The following PRDM2 variants were observed in gnomAD, a reference collection of about 807,000 sequenced individuals.
The protein encoded by PRDM2 is PR domain zinc finger protein 2.
In PRDM2, 30 loss-of-function variants were observed where a neutral mutation model predicts 130.0. The observed-to-expected ratio is 0.23, with a 90% CI of 0.17 to 0.31. The LOEUF is 0.31. PRDM2 is among the 10% of genes least tolerant of loss of function. The pLI, the probability that PRDM2 is intolerant of heterozygous loss-of-function variation, is 1.00. For missense variants in PRDM2, 2,011 were observed against 2,108.4 expected (o/e 0.95, Z 0.90); for synonymous variants, 871 against 782.4 (o/e 1.11, Z -1.89).
intron 1 of PRDM2, chr1:13,705,462 CTA>C (rs1642179076): frequency 6.6e-6 from 1 of 152,116 alleles, no homozygotes; most frequent in Non-Finnish European, 1.5e-5. Context: ...GAAGGGGCCA[CTA>C]TGTTTTCTAC....
At chr1:13,700,581 C>G (rs897062092) in intron 1 of PRDM2, among the ~76,000 whole-genome samples, 24 of 151,120 alleles carry the variant, frequency 1.6e-4, no homozygotes, top group South Asian at 8.3e-4. Context: ...TTCGGTTTGT[C>G]GCCGTGAAGA....
intron 9 of PRDM2, among the ~76,000 whole-genome samples, chr1:13,820,077 C>T (rs898253233): frequency 2.0e-5 from 3 of 152,172 alleles, no homozygotes; most frequent in Non-Finnish European, 4.4e-5. Flanking sequence ...GAAACTGACA[C>T]GGAGGGGCGT....
In PRDM2 at chr1:13,823,842, C is replaced by T. The variant is rs1236984425; in HGVS notation, c.*707C>T. On this transcript the variant is annotated 3_prime_UTR_variant, in exon 10 of 10. Coordinates refer to ENST00000311066, the MANE Select transcript of PRDM2 (RefSeq NM_001393986.1). ...AGATCAGGTGCACCTGGGAGAAAGACTTTGTCCCCACTTACAGATCTATCT... is the reference window on the plus strand; with the variant it reads ...AGATCAGGTGCACCTGGGAGAAAGATTTTGTCCCCACTTACAGATCTATCT... The T allele has an allele frequency of 6.6e-6, 1 of 152,332 alleles. No individual in the cohort carries two copies. Among genetic ancestry groups the T allele is most frequent in the Non-Finnish European group, 1.5e-5 (1 of 68,194 alleles). 9.4% of individuals were successfully genotyped at this position (152,332 alleles called of 1,614,324 possible). A position where few individuals can be genotyped will look rare whatever the true frequency, so the allele number is the denominator to read the frequency against.
chr1:13,759,162 C>CT (rs34840173), intron 6 of PRDM2, among the ~76,000 whole-genome samples: 1,602 of 140,944 alleles, frequency 0.011, 22 homozygotes, highest in African/African-American at 0.035. Flanking sequence ...TTCCCCTACC[C>CT]TTTTTTTTTT....
chr1:13,787,086 G>A, intron 8 of PRDM2: 6 of 985,464 alleles, frequency 6.1e-6, no homozygotes, highest in Non-Finnish European at 7.2e-6. Context: ...TAAATCACAA[G>A]TAGATTGCCA....
At chr1:13,789,849 GTTTA>G (rs1209488267) in intron 8 of PRDM2, among the ~76,000 whole-genome samples, 1 of 152,196 alleles carries the variant, frequency 6.6e-6, no homozygotes, top group Non-Finnish European at 1.5e-5. Context: ...ACAGAAAATG[GTTTA>G]TCGTTCCCCG....
chr1:13,756,580 T>G (rs2100566608), intron 6 of PRDM2, among the ~76,000 whole-genome samples: 1 of 152,346 alleles, frequency 6.6e-6, no homozygotes. Context: ...TGCTATTCTC[T>G]AAGTGAAAAA....
At chr1:13,710,194 C>G (rs925173069) in intron 1 of PRDM2, among the ~76,000 whole-genome samples, 1 of 152,078 alleles carries the variant, frequency 6.6e-6, no homozygotes, top group Non-Finnish European at 1.5e-5. Context: ...TTAGATAAAC[C>G]TGCTTTATTT....
intron 5 of PRDM2, among the ~76,000 whole-genome samples, chr1:13,745,406 G>T (rs2100518898): frequency 6.6e-6 from 1 of 152,094 alleles, no homozygotes; most frequent in Non-Finnish European, 1.5e-5. Flanking sequence ...AAAGACCTTG[G>T]AGTAGGAATA....
intron 1 of PRDM2, among the ~76,000 whole-genome samples, chr1:13,701,327 T>C (rs891866035): frequency 6.6e-6 from 1 of 152,342 alleles, no homozygotes; most frequent in Middle Eastern, 3.4e-3. Context: ...TAAGTTTTTG[T>C]TTACTCCAGG....
Position 13,773,272 on chromosome 1 carries a change from C to T in PRDM2, c.622+84C>T, listed in dbSNP as rs1644397909. On this transcript the variant is annotated intron_variant, in intron 7 of 9. Transcript: ENST00000311066. ...CTTTGTATCTCTTTATATTGTCCTT[C>T]TGAGAATCATTTAGGATCTTTACGA... 4 of 770,660 alleles carry T rather than the reference C, an allele frequency of 5.2e-6. No homozygotes were observed. The South Asian group carries it at 1.5e-4, about 29-fold the overall frequency. 47.7% of individuals were successfully genotyped at this position (770,660 alleles called of 1,614,324 possible).
chr1:13,742,050 C>A lies in PRDM2; in HGVS notation c.277C>A (p.Pro93Thr), dbSNP rs188038052. The change falls in exon 5 of 10, where the codon CCA becomes ACA. Residue 93 changes from proline to threonine, a missense_variant. Physicochemically the swap from Pro to Thr is conservative, Grantham distance 38. Transcript: ENST00000311066. ...ATGGATGTGCATTGATGCCACTGAT[C>A]CAGAGAAGGGAAACTGGCTGCGATA... Reference protein sequence around the residue: ...LGWMCIDATDPEKGNWLRYVN... With the variant: ...LGWMCIDATDTEKGNWLRYVN... The A allele has an allele frequency of 6.3e-7, 1 of 1,596,958 alleles. No individual in the cohort carries two copies. The highest frequency in any genetic ancestry group is 1.1e-5 in the South Asian group (1 of 90,708).
intron 6 of PRDM2, among the ~76,000 whole-genome samples, chr1:13,763,298 G>T (rs1644146683): frequency 6.6e-6 from 1 of 152,208 alleles, no homozygotes; most frequent in South Asian, 2.1e-4. Context: ...TGTTTGGAAA[G>T]AGGAAACAGA....
At chr1:13,705,981 C>CAAAAAA (rs61072408) in intron 1 of PRDM2, among the ~76,000 whole-genome samples, 1 of 56,772 alleles carries the variant, frequency 1.8e-5, no homozygotes, top group Admixed American at 1.7e-4. Context: ...GACTCCGTCT[C>CAAAAAA]AAAAAAAAAA....
intron 6 of PRDM2, among the ~76,000 whole-genome samples, chr1:13,767,474 T>TA (rs1557634240): frequency 2.8e-5 from 4 of 143,906 alleles, no homozygotes; most frequent in Non-Finnish European, 3.1e-5. Context: ...TCTATTTTTT[T>TA]TTTTTTTTTT....
chr1:13,796,049 G>C (rs1418011908), intron 8 of PRDM2, among the ~76,000 whole-genome samples: 1 of 152,200 alleles, frequency 6.6e-6, no homozygotes, highest in Admixed American at 6.5e-5. Flanking sequence ...TGATGTCATT[G>C]TGTCTGCTAC....
At position 13,726,960 on chromosome 1, in the gene PRDM2, CTCTGCTT is replaced by C. The variant is rs1182820794; in HGVS notation, c.10-4039_10-4033del. Among the ~76,000 whole-genome samples, 6 of 152,138 alleles carry C rather than the reference CTCTGCTT, an allele frequency of 3.9e-5. No individual in the cohort carries two copies. The South Asian group carries it at 1.0e-3, about 26-fold the overall frequency. On this transcript the variant is annotated intron_variant, in intron 2 of 9. Transcript: ENST00000311066. Reference sequence around the variant, plus strand: ...CGGAGCTTGCGATCTGCTCTCTGCTCTCTGCTTGATGACTTCTATTCTGCTTATTCTG... The same window carrying C: ...CGGAGCTTGCGATCTGCTCTCTGCTCGATGACTTCTATTCTGCTTATTCTG...
chr1:13,771,574 C>T lies in PRDM2; in HGVS notation c.512-1504C>T, dbSNP rs538693885. 5.3e-5 allele frequency among the ~76,000 whole-genome samples: 8 copies of T among 152,144 alleles called. No individual in the cohort carries two copies. Among genetic ancestry groups the T allele is most frequent in the South Asian group, 2.1e-4 (1 of 4,824 alleles). ...GTGAAACCCCGTCTCTACTAAAATACGAAAAATTAGCCGGGCGTGTTGGCG... is the reference window on the plus strand; with the variant it reads ...GTGAAACCCCGTCTCTACTAAAATATGAAAAATTAGCCGGGCGTGTTGGCG... On this transcript the variant is annotated intron_variant, in intron 6 of 9. Coordinates refer to ENST00000311066, the MANE Select transcript of PRDM2 (RefSeq NM_001393986.1). The surrounding 1 kb of genome is among the most constrained non-coding windows in gnomAD (Gnocchi z 4.1).
At chr1:13,729,106 G>A (rs2100463445) in intron 2 of PRDM2, among the ~76,000 whole-genome samples, 1 of 152,300 alleles carries the variant, frequency 6.6e-6, no homozygotes, top group African/African-American at 2.4e-5. Context: ...TGCTCTGTGT[G>A]GAGAGGGGGA....
Sources: gnomAD v4.1 joint callset for allele counts (sites outside exome capture counted in the v4.1 genomes callset) on GRCh38, gnomAD v4.1.1 for gene constraint, Gnocchi (gnomAD v3.1) non-coding constraint, MANE v1.5 for transcripts, NCBI Gene and HGNC (gene_info 2026-07-23, HGNC 2026-07-21) for gene names.